Variants in PPFIA2 observed in about 807,000 individuals in gnomAD.
PPFIA2 encodes liprin-alpha-2.
A neutral mutation model predicts 175.5 loss-of-function variants in PPFIA2; 46 were observed. The ratio of observed to expected loss-of-function variants is 0.26; its 90% CI spans 0.21 to 0.34. The LOEUF is 0.34. PPFIA2 is among the 10% of genes least tolerant of loss of function. The probability of loss-of-function intolerance (pLI) is 1.00; values close to 1 mark genes in which losing one functional copy is unlikely to be tolerated. For synonymous variants in PPFIA2, 568 were observed against 511.4 expected, an observed-to-expected ratio of 1.11 and a Z score of -1.49; for missense variants, 1,179 against 1,506.1, an observed-to-expected ratio of 0.78 and a Z score of 3.60.
chr12:81,266,958 C>T lies in PPFIA2; in HGVS notation c.3549G>A (p.Leu1183=). The change falls in exon 30 of 33, where the codon CTG becomes CTA. Residue 1183 remains leucine, a synonymous_variant. Coordinates refer to ENST00000549396, the MANE Select transcript of PPFIA2 (RefSeq NM_003625.5). ...NLLALGTERR[L]DESDDKNFRR... ...GAATAACAGGTGGACTTACTTCATC[C>T]AGTCGCCTTTCAGTTCCCAGGGCCA... is the stretch of plus-strand genomic sequence containing the variant. 6.2e-7 allele frequency: 1 copy of T among 1,610,242 alleles called. No homozygotes were observed. The highest frequency in any genetic ancestry group is 8.5e-7 in the Non-Finnish European group (1 of 1,176,886).
At chr12:81,578,440 C>A (rs900467808) in intron 4 of PPFIA2, among the ~76,000 whole-genome samples, 1 of 151,716 alleles carries the variant, frequency 6.6e-6, no homozygotes, top group East Asian at 1.9e-4. Context: ...CCCAACTAAC[C>A]AGCTTACTAA....
At chr12:81,525,560 C>T (rs1037380200) in intron 4 of PPFIA2, among the ~76,000 whole-genome samples, 3 of 152,122 alleles carry the variant, frequency 2.0e-5, no homozygotes, top group African/African-American at 7.2e-5. Flanking sequence ...TGGAAGAGGG[C>T]TCTGAGCTCC....
chr12:81,408,016 G>T (rs1279512049), intron 7 of PPFIA2, among the ~76,000 whole-genome samples: 1 of 152,058 alleles, frequency 6.6e-6, no homozygotes, highest in Non-Finnish European at 1.5e-5. Context: ...TATGTGCAGG[G>T]TATTCACTAA....
chr12:81,375,615 A>T (rs747296585), intron 10 of PPFIA2, 181 bp downstream of exon 10: 1 of 657,726 alleles, frequency 1.5e-6, no homozygotes, highest in Non-Finnish European at 2.6e-6. Flanking sequence ...AAGATAAATA[A>T]TTTATCTTTC....
rs1198978479 is a variant in PPFIA2, at chr12:81,421,911, A to G, written c.646-16008T>C. ...AAGAAAGCTAGGGGTAGTTATGCTT[A>G]TATCATGAAAAGTTATGCCATGCAA... On this transcript the variant is annotated intron_variant, in intron 7 of 32. Transcript: ENST00000549396. 2.0e-5 allele frequency among the ~76,000 whole-genome samples: 3 copies of G among 151,876 alleles called. No homozygotes were observed. The East Asian group carries it at 5.8e-4, about 29-fold the overall frequency.
chr12:81,384,042 T>C lies in PPFIA2; in HGVS notation c.965A>G (p.Tyr322Cys). Reference protein sequence around the residue: ...LIKTEEMNTKYQRDIREAMAQ... With the variant: ...LIKTEEMNTKCQRDIREAMAQ... The stretch of plus-strand genomic sequence containing the variant: ...ACTTACCTCCCTAATGTCCCTTTGA[T>C]ACTTGGTGTTCATTTCTTCTGTTTT... The change falls in exon 9 of 33, where the codon TAT (tyrosine) becomes TGT (cysteine). Residue 322 changes from tyrosine (Y) to cysteine (C), a missense_variant. This residue lies in a region of PPFIA2 where 226 missense variants were observed against 216.6 expected (regional missense o/e 1.04). Coordinates refer to ENST00000549396, the MANE Select transcript of PPFIA2 (RefSeq NM_003625.5). The C allele has an allele frequency of 6.2e-7, 1 of 1,612,114 alleles. No individual in the cohort carries two copies. Among genetic ancestry groups the C allele is most frequent in the Non-Finnish European group, 8.5e-7 (1 of 1,178,622 alleles).
chr12:81,753,065 G>T (rs916564331), intron 3 of PPFIA2, among the ~76,000 whole-genome samples: 1 of 151,732 alleles, frequency 6.6e-6, no homozygotes, highest in Non-Finnish European at 1.5e-5. Flanking sequence ...CTCCCCAGTA[G>T]CTGGGACTAC....
chr12:81,602,040 G>A (rs2059849164), intron 4 of PPFIA2, among the ~76,000 whole-genome samples: 1 of 151,336 alleles, frequency 6.6e-6, no homozygotes, highest in South Asian at 2.1e-4. Flanking sequence ...TCTATATTGT[G>A]TGCCTTAAAG....
chr12:81,395,296 T>C (rs1272461605), intron 8 of PPFIA2, among the ~76,000 whole-genome samples: 1 of 152,050 alleles, frequency 6.6e-6, no homozygotes, highest in East Asian at 1.9e-4. Context: ...AACAATTTTA[T>C]TGAAGAACAT....
At chr12:81,328,333 C>T (rs1383321391) in intron 21 of PPFIA2, among the ~76,000 whole-genome samples, 1 of 152,112 alleles carries the variant, frequency 6.6e-6, no homozygotes, top group Non-Finnish European at 1.5e-5. Context: ...TATTCACTCC[C>T]TACATGTGAC....
chr12:81,580,150 A>G (rs1008798701), intron 4 of PPFIA2, among the ~76,000 whole-genome samples: 1 of 152,028 alleles, frequency 6.6e-6, no homozygotes, highest in Middle Eastern at 3.4e-3. Context: ...TGATATTAAT[A>G]AAATAGTACT....
chr12:81,709,315 G>T (rs1230686485), intron 3 of PPFIA2, among the ~76,000 whole-genome samples: 1 of 152,018 alleles, frequency 6.6e-6, no homozygotes, highest in Non-Finnish European at 1.5e-5. Flanking sequence ...CCCTAATGTA[G>T]GAAGGGAATT....
At chr12:81,669,286 T>G (rs555392864) in intron 4 of PPFIA2, among the ~76,000 whole-genome samples, 5 of 151,998 alleles carry the variant, frequency 3.3e-5, no homozygotes, top group Non-Finnish European at 7.4e-5. Flanking sequence ...TATTCCAGAA[T>G]TATTATAATA....
intron 22 of PPFIA2, among the ~76,000 whole-genome samples, chr12:81,307,666 C>T (rs767789480): frequency 2.6e-5 from 4 of 152,118 alleles, no homozygotes; most frequent in Non-Finnish European, 4.4e-5. Flanking sequence ...CTTGTCCCTT[C>T]CAACCTCCAC....
intron 4 of PPFIA2, among the ~76,000 whole-genome samples, chr12:81,548,282 CG>C (rs1331882216): frequency 6.6e-6 from 1 of 152,024 alleles, no homozygotes; most frequent in African/African-American, 2.4e-5. Context: ...GGGAAATACA[CG>C]GGGAATGTTC....
intron 8 of PPFIA2, among the ~76,000 whole-genome samples, chr12:81,387,477 AT>A (rs2039238194): frequency 1.3e-5 from 2 of 152,148 alleles, no homozygotes; most frequent in Non-Finnish European, 2.9e-5. Flanking sequence ...ATGCAGGCAA[AT>A]GGCAAGAAGT....
chr12:81,464,891 A>C (rs916306431), intron 4 of PPFIA2, among the ~76,000 whole-genome samples: 10 of 151,662 alleles, frequency 6.6e-5, no homozygotes, highest in Non-Finnish European at 1.3e-4. Flanking sequence ...CTGGAAAAAA[A>C]AAAAAAACTT....
At chr12:81,535,265 A>C (rs747142812) in intron 4 of PPFIA2, among the ~76,000 whole-genome samples, 2 of 151,770 alleles carry the variant, frequency 1.3e-5, no homozygotes, top group Non-Finnish European at 2.9e-5. Flanking sequence ...CAGAGCATGC[A>C]CAAGAAGTTC....
chr12:81,541,860 C>T (rs538765347), intron 4 of PPFIA2, among the ~76,000 whole-genome samples: 1 of 152,154 alleles, frequency 6.6e-6, no homozygotes, highest in East Asian at 1.9e-4. Context: ...GTGACTGATG[C>T]TGGGAGCCAG....
Sources: gnomAD v4.1 joint callset for allele counts (sites outside exome capture counted in the v4.1 genomes callset) on GRCh38, gnomAD v4.1.1 for gene constraint, gnomAD v4.1.1 regional missense constraint, MANE v1.5 for transcripts, NCBI Gene and HGNC (gene_info 2026-07-23, HGNC 2026-07-21) for gene names.